Variants in GPR158 observed in about 807,000 individuals in gnomAD.
GPR158 encodes the protein metabotropic glycine receptor.
Under a neutral mutation model 78.2 loss-of-function variants are expected in GPR158, and 30 were observed. That is an observed-to-expected ratio of 0.38 (90% confidence interval 0.29 to 0.52). The LOEUF (loss-of-function observed/expected upper bound fraction) is 0.52, where lower values mean the gene tolerates loss of function less well. Among genes scored for constraint, GPR158 ranks in the 20% least tolerant of loss-of-function variants. The pLI is 0.83. For missense variants in GPR158, 1,463 were observed against 1,523.5 expected, an observed-to-expected ratio of 0.96 and a Z score of 0.66; for synonymous variants, 581 against 591.1, an observed-to-expected ratio of 0.98 and a Z score of 0.25.
At chr10:25,439,426 T>G (rs969296919) in intron 4 of GPR158, among the ~76,000 whole-genome samples, 5 of 152,116 alleles carry the variant, frequency 3.3e-5, no homozygotes, top group African/African-American at 1.2e-4. Context: ...GGAATACAAT[T>G]CAAGATGAGA....
intron 2 of GPR158, among the ~76,000 whole-genome samples, chr10:25,240,847 T>G (rs1303783606): frequency 1.3e-5 from 2 of 152,314 alleles, no homozygotes; most frequent in Non-Finnish European, 2.9e-5. Context: ...TCTTTACTCT[T>G]GAATCAATAT....
intron 7 of GPR158, among the ~76,000 whole-genome samples, chr10:25,576,304 T>C (rs1297340419): frequency 6.6e-6 from 1 of 152,130 alleles, no homozygotes; most frequent in East Asian, 1.9e-4. Context: ...CGGGATTCGG[T>C]TTTTCATTCC....
intron 5 of GPR158, among the ~76,000 whole-genome samples, chr10:25,522,563 G>C (rs1836292336): frequency 6.6e-6 from 1 of 152,168 alleles, no homozygotes; most frequent in Admixed American, 6.5e-5. Flanking sequence ...CTTTGCCTTG[G>C]AGGAAATTGC....
At chr10:25,525,753 T>C (rs1836338214) in intron 5 of GPR158, among the ~76,000 whole-genome samples, 1 of 152,180 alleles carries the variant, frequency 6.6e-6, no homozygotes, top group Non-Finnish European at 1.5e-5. Context: ...TACAACTCTG[T>C]GACTATACTT....
At position 25,319,989 on chromosome 10, in the gene GPR158, C is replaced by G. The variant is rs1159069191; in HGVS notation, c.1009-75922C>G. Among the ~76,000 whole-genome samples the G allele has an allele frequency of 2.6e-5, 4 of 152,072 alleles. No homozygotes were observed. In the East Asian group the frequency reaches 7.7e-4, roughly 29 times the overall value. ...TTCATCCAAATACCTTATTCTTTTT[C>G]CTCTATTATATCTCTCCTCGACATC... On this transcript the variant is annotated intron_variant, in intron 2 of 10. Transcript: ENST00000376351.
chr10:25,491,286 A>G (rs1835805588), intron 5 of GPR158, among the ~76,000 whole-genome samples: 1 of 152,184 alleles, frequency 6.6e-6, no homozygotes, highest in South Asian at 2.1e-4. Flanking sequence ...AGGTCTGGCA[A>G]TGAAATATGA....
intron 5 of GPR158, among the ~76,000 whole-genome samples, chr10:25,522,516 G>A (rs547178427): frequency 2.2e-4 from 33 of 152,274 alleles, no homozygotes; most frequent in African/African-American, 7.9e-4. Flanking sequence ...TAGATGTTGG[G>A]GGGAAATGAC....
intron 3 of GPR158, among the ~76,000 whole-genome samples, chr10:25,401,721 T>C (rs1834448450): frequency 1.3e-5 from 2 of 152,140 alleles, no homozygotes; most frequent in Admixed American, 1.3e-4. Context: ...GAAATTTGAC[T>C]ATTAATTAGC....
At chr10:25,493,768 A>C (rs141367019) in intron 5 of GPR158, among the ~76,000 whole-genome samples, 2 of 152,242 alleles carry the variant, frequency 1.3e-5, no homozygotes, top group Admixed American at 1.3e-4. Flanking sequence ...ATATCATTTG[A>C]ATCTCAAGGC....
chr10:25,183,673 A>G (rs1195646755), intron 1 of GPR158, among the ~76,000 whole-genome samples: 11 of 152,266 alleles, frequency 7.2e-5, no homozygotes, highest in Admixed American at 2.0e-4. Context: ...AAGACAATGT[A>G]GGATTTTTAA....
At chr10:25,536,625 A>G (rs954833647) in intron 5 of GPR158, among the ~76,000 whole-genome samples, 2 of 152,204 alleles carry the variant, frequency 1.3e-5, no homozygotes, top group Admixed American at 6.5e-5. Context: ...TGAGAAATAT[A>G]TTTTTAACCT....
intron 2 of GPR158, among the ~76,000 whole-genome samples, chr10:25,271,029 G>A (rs981482807): frequency 2.6e-5 from 4 of 152,174 alleles, no homozygotes; most frequent in African/African-American, 9.7e-5. Context: ...TCTTGCCCTA[G>A]TGACAATGGC....
chr10:25,535,889 T>A (rs180928441), intron 5 of GPR158, among the ~76,000 whole-genome samples: 1 of 152,362 alleles, frequency 6.6e-6, no homozygotes, highest in East Asian at 1.9e-4. Flanking sequence ...TTGATTCAAA[T>A]GTGACAAATA....
intron 2 of GPR158, among the ~76,000 whole-genome samples, chr10:25,384,909 C>T (rs7091686): frequency 0.65 from 98,081 of 152,016 alleles, 32,606 homozygotes; most frequent in Non-Finnish European, 0.73. Context: ...TGTTTACATA[C>T]ACATCTTTGA....
intron 6 of GPR158, among the ~76,000 whole-genome samples, chr10:25,565,612 G>C (rs1836918977): frequency 6.6e-6 from 1 of 152,154 alleles, no homozygotes; most frequent in African/African-American, 2.4e-5. Flanking sequence ...AGAGTAAGAA[G>C]ATAGGAGTTT....
In GPR158 at chr10:25,175,388, C is replaced by G. The variant is rs371327078; in HGVS notation, c.-33C>G. 2.5e-5 allele frequency: 33 copies of G among 1,338,194 alleles called. No individual in the cohort carries two copies. The highest frequency in any genetic ancestry group is 5.0e-4 in the Middle Eastern group (2 of 4,014). 82.9% of individuals were successfully genotyped at this position (1,338,194 alleles called of 1,614,324 possible). On this transcript the variant is annotated 5_prime_UTR_variant, in exon 1 of 11. Transcript: ENST00000376351. The surrounding 1 kb of genome is among the most constrained non-coding windows in gnomAD (Gnocchi z 6.4). ...CAAATTTAAAAAGTGATTCCCCCCC[C>G]TCCCGTTCCCTCCTCTTCTCTCTGG... is the stretch of plus-strand genomic sequence containing the variant.
intron 1 of GPR158, among the ~76,000 whole-genome samples, chr10:25,177,157 GA>G (rs1852548736): frequency 6.6e-6 from 1 of 152,226 alleles, no homozygotes; most frequent in Admixed American, 6.5e-5. Flanking sequence ...AAACTTAAGG[GA>G]GTCTGTACTT....
chr10:25,280,348 T>C (rs1018018063), intron 2 of GPR158, among the ~76,000 whole-genome samples: 1 of 152,188 alleles, frequency 6.6e-6, no homozygotes. Flanking sequence ...AAAAATAGAC[T>C]TGAAGGCAAA....
At chr10:25,348,625 T>C (rs761715494) in intron 2 of GPR158, among the ~76,000 whole-genome samples, 1 of 151,938 alleles carries the variant, frequency 6.6e-6, no homozygotes, top group Non-Finnish European at 1.5e-5. Flanking sequence ...TGAACACTTA[T>C]CTCCCCTAGT....
Sources: gnomAD v4.1 joint callset for allele counts (sites outside exome capture counted in the v4.1 genomes callset) on GRCh38, gnomAD v4.1.1 for gene constraint, Gnocchi (gnomAD v3.1) non-coding constraint, MANE v1.5 for transcripts, NCBI Gene and HGNC (gene_info 2026-07-23, HGNC 2026-07-21) for gene names.